Variants in SLC22A23 observed in about 807,000 individuals in gnomAD.
SLC22A23 encodes solute carrier family 22 member 23, also known as ion transporter protein.
In SLC22A23, 26 loss-of-function variants were observed where a neutral mutation model predicts 61.0. The observed-to-expected ratio is 0.43, with a 90% CI of 0.31 to 0.59. SLC22A23 has a LOEUF of 0.59. SLC22A23 is among the 20% of genes least tolerant of loss of function. The pLI, the probability that SLC22A23 is intolerant of heterozygous loss-of-function variation, is 0.11. For synonymous variants in SLC22A23, 430 were observed against 413.9 expected (o/e 1.04, Z -0.47); for missense variants, 796 against 934.7 (o/e 0.85, Z 1.94).
chr6:3,356,686 G>A (rs1458752373), intron 3 of SLC22A23, among the ~76,000 whole-genome samples: 1 of 152,112 alleles, frequency 6.6e-6, no homozygotes, highest in Non-Finnish European at 1.5e-5. Flanking sequence ...TATTGGCTCA[G>A]CAGTGAGATG....
chr6:3,405,292 G>A (rs1161490919), intron 3 of SLC22A23, among the ~76,000 whole-genome samples: 1 of 152,040 alleles, frequency 6.6e-6, no homozygotes, highest in African/African-American at 2.4e-5. Flanking sequence ...TTTGTCAAAG[G>A]CCTTCGGTAA....
intron 3 of SLC22A23, among the ~76,000 whole-genome samples, chr6:3,384,879 A>G (rs1033023142): frequency 6.6e-6 from 1 of 152,226 alleles, no homozygotes; most frequent in African/African-American, 2.4e-5. Context: ...TGGCCTATCC[A>G]TACGATATAA....
Position 3,414,909 on chromosome 6 carries a change from G to A in SLC22A23, c.758+843C>T, listed in dbSNP as rs565657807. 1.6e-4 allele frequency among the ~76,000 whole-genome samples: 24 copies of A among 152,224 alleles called. No individual in the cohort carries two copies. The highest frequency in any genetic ancestry group is 1.2e-3 in the Admixed American group (19 of 15,282). ...ACCACAGAATGCCTTAAATAAAAGC[G>A]CTGCAGCATCCTGGTGGAGGGGCAG... On this transcript the variant is annotated intron_variant, in intron 2 of 9. Transcript: ENST00000406686. This position sits in a 1 kb window ranked among gnomAD's most constrained non-coding sequence, Gnocchi z 5.1.
intron 1 of SLC22A23, among the ~76,000 whole-genome samples, chr6:3,441,391 C>T (rs748271597): frequency 6.6e-6 from 1 of 152,126 alleles, no homozygotes; most frequent in African/African-American, 2.4e-5. Flanking sequence ...CAAGCTATGC[C>T]GAAGGCTGAC....
rs1382237873 is a variant in SLC22A23 at position 3,285,086 on chromosome 6, T to C, written c.1572A>G (p.Pro524=). The C allele has an allele frequency of 1.2e-6, 2 of 1,613,366 alleles. No individual in the cohort carries two copies. Among genetic ancestry groups the C allele is most frequent in the South Asian group, 1.1e-5 (1 of 90,864 alleles). ...LNLIGKYSQH[P]DSGMSDSVKD... ...CACGCGCTTGGGACTCACCTGAGTC[T>C]GGGTGCTGGCTGTACTTTCCAATCA... Residue 524 remains proline, a synonymous_variant, in exon 8 of 10, where the codon CCA becomes CCG. Coordinates refer to ENST00000406686, the MANE Select transcript of SLC22A23 (RefSeq NM_015482.2).
intron 4 of SLC22A23, among the ~76,000 whole-genome samples, chr6:3,299,248 T>C (rs1049655717): frequency 6.6e-6 from 1 of 152,214 alleles, no homozygotes; most frequent in Non-Finnish European, 1.5e-5. Flanking sequence ...TTCTAAAGCA[T>C]GGAGAAACAA....
intron 4 of SLC22A23, among the ~76,000 whole-genome samples, chr6:3,305,853 C>T (rs1035840379): frequency 2.0e-5 from 3 of 152,180 alleles, no homozygotes; most frequent in South Asian, 2.1e-4. Context: ...TGGGAGAAAG[C>T]CTTGAAGTTG....
chr6:3,412,379 G>A (rs952239202), intron 2 of SLC22A23, among the ~76,000 whole-genome samples: 1 of 152,138 alleles, frequency 6.6e-6, no homozygotes, highest in African/African-American at 2.4e-5. Flanking sequence ...TTGTTCAAAC[G>A]AGCCTGGAGT....
rs1763452576 is a variant in SLC22A23, at chr6:3,329,295, G to C, written c.914-5293C>G. ...GCCCATCCTCCCATAATGCACAAAT[G>C]AATAAAACACAACACTTATTCTTCC... On this transcript the variant is annotated intron_variant, in intron 3 of 9. Coordinates refer to ENST00000406686, the MANE Select transcript of SLC22A23 (RefSeq NM_015482.2). This position sits in a 1 kb window ranked among gnomAD's most constrained non-coding sequence, Gnocchi z 4.8. Among the ~76,000 whole-genome samples, 1 of 151,966 alleles carries C rather than the reference G, an allele frequency of 6.6e-6. No homozygotes were observed. Among genetic ancestry groups the C allele is most frequent in the African/African-American group, 2.4e-5 (1 of 41,370 alleles).
rs895867378 is a variant in SLC22A23, at chr6:3,456,591, T to C, written c.-32A>G. 10 of 980,200 alleles carry C rather than the reference T, an allele frequency of 1.0e-5. No individual in the cohort carries two copies. Among genetic ancestry groups the C allele is most frequent in the Admixed American group, 6.3e-5 (1 of 15,780 alleles). 60.7% of individuals were successfully genotyped at this position (980,200 alleles called of 1,614,324 possible). Reference sequence around the variant, plus strand: ...GGCCCGCGGCTCCCGCAGAGGCGCATAGAGCGCGGCGGAGGCTCCGCGGGC... The same window carrying C: ...GGCCCGCGGCTCCCGCAGAGGCGCACAGAGCGCGGCGGAGGCTCCGCGGGC... On this transcript the variant is annotated 5_prime_UTR_variant, in exon 1 of 10. The change abolishes an upstream ATG in the 5' untranslated region. Coordinates refer to ENST00000406686, the MANE Select transcript of SLC22A23 (RefSeq NM_015482.2). This position sits in a 1 kb window ranked among gnomAD's most constrained non-coding sequence, Gnocchi z 7.1.
chr6:3,379,859 A>G (rs9503571), intron 3 of SLC22A23, among the ~76,000 whole-genome samples: 54,413 of 152,068 alleles, frequency 0.36, 10,000 homozygotes, highest in Middle Eastern at 0.44. Context: ...CTGTGGTTTC[A>G]TTTATTAGGG....
intron 1 of SLC22A23, among the ~76,000 whole-genome samples, chr6:3,416,087 A>G (rs1422756302): frequency 1.3e-5 from 2 of 152,260 alleles, no homozygotes; most frequent in African/African-American, 4.8e-5. Flanking sequence ...AAGTCTGCAA[A>G]GAATGACGCA....
rs772475552 is a variant in SLC22A23, at chr6:3,392,008, A to G, written c.913+18180T>C. Reference sequence around the variant, plus strand: ...GCAAGATAGCATGGACTGCAGTAGCATTTGGAATGCACGATGGAAGCTGTT... The same window carrying G: ...GCAAGATAGCATGGACTGCAGTAGCGTTTGGAATGCACGATGGAAGCTGTT... On this transcript the variant is annotated intron_variant, in intron 3 of 9. Coordinates refer to ENST00000406686, the MANE Select transcript of SLC22A23 (RefSeq NM_015482.2). 9.3e-4 allele frequency among the ~76,000 whole-genome samples: 141 copies of G among 152,202 alleles called. 3 individuals carry two copies. Among genetic ancestry groups the G allele is most frequent in the Admixed American group, 1.2e-3 (18 of 15,292 alleles).
At chr6:3,377,082 G>A (rs116184795) in intron 3 of SLC22A23, among the ~76,000 whole-genome samples, 6 of 152,212 alleles carry the variant, frequency 3.9e-5, no homozygotes, top group East Asian at 3.9e-4. Context: ...TGCAGCCTGC[G>A]GGACAAATTT....
rs35739945 is a variant in SLC22A23 at position 3,328,488 on chromosome 6, G to T, written c.914-4486C>A. On this transcript the variant is annotated intron_variant, in intron 3 of 9. Coordinates refer to ENST00000406686, the MANE Select transcript of SLC22A23 (RefSeq NM_015482.2). The surrounding 1 kb of genome is among the most constrained non-coding windows in gnomAD (Gnocchi z 5.0). The stretch of plus-strand genomic sequence containing the variant: ...GGGGGTTTGATGTGTCACGTGGCGG[G>T]GCTGCAGTCTTAGGCATTTGCTCAA... 0.25 allele frequency among the ~76,000 whole-genome samples: 37,600 copies of T among 151,904 alleles called. 6,039 individuals are homozygous for T. The highest frequency in any genetic ancestry group is 0.45 in the African/African-American group (18,651 of 41,336).
At position 3,342,613 on chromosome 6, in the gene SLC22A23, T is replaced by TG. The variant is rs2127424123; in HGVS notation, c.914-18612dup. 6.6e-6 allele frequency among the ~76,000 whole-genome samples: 1 copy of TG among 152,242 alleles called. No homozygotes were observed. Among genetic ancestry groups the TG allele is most frequent in the Admixed American group, 6.5e-5 (1 of 15,288 alleles). ...AGATGGAGCCCAGGAAGCCAGTAGATGGGGGGTCCAGGAGATTCAAACCTT... is the reference window on the plus strand; with the variant it reads ...AGATGGAGCCCAGGAAGCCAGTAGATGGGGGGGTCCAGGAGATTCAAACCTT... On this transcript the variant is annotated intron_variant, in intron 3 of 9. Transcript: ENST00000406686. This position sits in a 1 kb window ranked among gnomAD's most constrained non-coding sequence, Gnocchi z 4.0.
chr6:3,404,769 G>A (rs1180936147), intron 3 of SLC22A23, among the ~76,000 whole-genome samples: 1 of 152,196 alleles, frequency 6.6e-6, no homozygotes, highest in African/African-American at 2.4e-5. Context: ...AGGGAAGACA[G>A]TGGGGTACAG....
chr6:3,356,345 G>A (rs1176975222), intron 3 of SLC22A23, among the ~76,000 whole-genome samples: 4 of 151,678 alleles, frequency 2.6e-5, no homozygotes, highest in Admixed American at 2.6e-4. Context: ...GTAAAACAGT[G>A]TCTTAGATCC....
At chr6:3,277,766 C>A (rs1759044711) in intron 9 of SLC22A23, among the ~76,000 whole-genome samples, 1 of 152,196 alleles carries the variant, frequency 6.6e-6, no homozygotes, top group African/African-American at 2.4e-5. Flanking sequence ...CCCAGTAATT[C>A]CCACCCTTGT....
Sources: allele counts gnomAD v4.1 joint callset (sites outside exome capture counted in the v4.1 genomes callset), GRCh38; gene constraint gnomAD v4.1.1; non-coding constraint Gnocchi (gnomAD v3.1); transcripts MANE v1.5; gene names NCBI Gene and HGNC (gene_info 2026-07-23, HGNC 2026-07-21).